PCDHA3: variants seen among roughly 807,000 people sequenced by gnomAD.
The protein encoded by PCDHA3 is protocadherin alpha-3.
A neutral mutation model predicts 62.2 loss-of-function variants in PCDHA3; 41 were observed. The ratio of observed to expected loss-of-function variants is 0.66; its 90% CI spans 0.51 to 0.86. The LOEUF (loss-of-function observed/expected upper bound fraction) is 0.86. Ranked by LOEUF, PCDHA3 falls within the 40% of genes least tolerant of loss-of-function variation. PCDHA3 has a pLI of 0.00. For missense variants in PCDHA3, 1,304 were observed against 1,241.2 expected, an observed-to-expected ratio of 1.05 and a Z score of -0.76; for synonymous variants, 640 against 555.4, an observed-to-expected ratio of 1.15 and a Z score of -2.14.
chr5:140,966,428 C>T (rs1297076694), intron 1 of PCDHA3: 6 of 423,554 alleles, frequency 1.4e-5, no homozygotes, highest in Non-Finnish European at 1.2e-5. Flanking sequence ...TTGCTGAGCC[C>T]TCCTACCGCT....
At position 140,809,150 on chromosome 5, in the gene PCDHA3, G is replaced by A. The variant is rs1554125029; in HGVS notation, c.2394+5559G>A. 4 of 1,613,976 alleles carry A rather than the reference G, an allele frequency of 2.5e-6. No individual in the cohort carries two copies. In the South Asian group the frequency reaches 4.4e-5, roughly 18 times the overall value. On this transcript the variant is annotated intron_variant, in intron 1 of 3. Transcript: ENST00000522353. ...CCTACTGGTACTGGTGAAGGACCAC[G>A]GCGAGCCCGCGCTGACGGCCACGGC... is the stretch of plus-strand genomic sequence containing the variant.
intron 1 of PCDHA3, among the ~76,000 whole-genome samples, chr5:140,937,823 A>T (rs2091776135): frequency 6.6e-6 from 1 of 151,692 alleles, no homozygotes; most frequent in Admixed American, 6.6e-5. Context: ...GAGGCAGGAG[A>T]ATGGCATGAA....
chr5:140,823,215 C>A (rs916835953), intron 1 of PCDHA3: 12 of 1,613,770 alleles, frequency 7.4e-6, no homozygotes, highest in Non-Finnish European at 1.0e-5. Context: ...CTGCACGGGA[C>A]GCGGACGCGC....
intron 1 of PCDHA3, chr5:140,811,575 A>T (rs1418966783): frequency 3.3e-5 from 5 of 152,212 alleles, no homozygotes; most frequent in Admixed American, 1.3e-4. Context: ...GAATCGCCAC[A>T]CTGTCTTCCA....
chr5:140,896,386 C>T (rs575002506), intron 1 of PCDHA3, among the ~76,000 whole-genome samples: 1 of 152,124 alleles, frequency 6.6e-6, no homozygotes, highest in African/African-American at 2.4e-5. Context: ...TGCAACCTCA[C>T]CAGCATCTGT....
intron 1 of PCDHA3, among the ~76,000 whole-genome samples, chr5:140,908,325 T>C (rs189387427): frequency 6.6e-6 from 1 of 152,172 alleles, no homozygotes; most frequent in African/African-American, 2.4e-5. Flanking sequence ...GTGGAGACCA[T>C]GGGAATTTGA....
At chr5:140,857,581 G>C (rs781800563) in intron 1 of PCDHA3, 4 of 1,596,740 alleles carry the variant, frequency 2.5e-6, no homozygotes, top group African/African-American at 1.3e-5. Flanking sequence ...CGGTGCACGC[G>C]GAGAGCGGCA....
chr5:140,814,789 T>C lies in PCDHA3; in HGVS notation c.2394+11198T>C, dbSNP rs2126658661. On this transcript the variant is annotated intron_variant, in intron 1 of 3. Transcript: ENST00000522353. ...TGGTCTGTTATTGGTTGAAACGTTG[T>C]TATACAACACTTGACTTTATTGTAT... The C allele has an allele frequency of 2.8e-4, 43 of 152,320 alleles. 1 individual carries two copies. The highest frequency in any genetic ancestry group is 2.8e-3 in the Admixed American group (43 of 15,304). The allele number at this position is 152,320 out of a possible 1,614,324, so 9.4% of individuals were successfully genotyped here.
At chr5:140,917,335 G>GGGGGGGGGGT in intron 1 of PCDHA3, among the ~76,000 whole-genome samples, 2 of 146,518 alleles carry the variant, frequency 1.4e-5, no homozygotes, top group Non-Finnish European at 3.1e-5. Flanking sequence ...GGGGGAGGGG[G>GGGGGGGGGGT]GGGATGGTGT....
At chr5:140,856,822 A>G (rs1554149161) in intron 1 of PCDHA3, 4 of 1,593,030 alleles carry the variant, frequency 2.5e-6, no homozygotes, top group Non-Finnish European at 1.7e-6. Flanking sequence ...TGAACCAAAC[A>G]TTAGTAATAC....
rs782360183 is a variant in PCDHA3 at position 140,802,697 on chromosome 5, G to C, written c.1500G>C (p.Gly500=). 2.3e-5 allele frequency: 37 copies of C among 1,612,602 alleles called. No individual in the cohort carries two copies. Among genetic ancestry groups the C allele is most frequent in the Middle Eastern group, 1.9e-4 (1 of 5,262 alleles). ...VSYSLVERRV[G]ERALSSYVSV... ...ACTCGCTGGTGGAACGGCGGGTGGG[G>C]GAGCGCGCGCTGTCGAGCTACGTGT... The change falls in exon 1 of 4, where the codon GGG becomes GGC. Residue 500 remains glycine (G), a synonymous_variant. Transcript: ENST00000522353.
chr5:140,857,222 G>A (rs373834853), intron 1 of PCDHA3: 1 of 1,598,456 alleles, frequency 6.3e-7, no homozygotes, highest in Non-Finnish European at 8.6e-7. Flanking sequence ...GACGCCTCAC[G>A]TTCCGTTCAA....
In PCDHA3 at chr5:140,801,272, G is replaced by A; in HGVS notation, c.75G>A (p.Glu25=). 3 of 1,613,682 alleles carry A rather than the reference G, an allele frequency of 1.9e-6. No homozygotes were observed. Among genetic ancestry groups the A allele is most frequent in the Non-Finnish European group, 2.5e-6 (3 of 1,179,902 alleles). The change falls in exon 1 of 4, where the codon GAG becomes GAA. Residue 25 remains glutamate, a synonymous_variant. Coordinates refer to ENST00000522353, the MANE Select transcript of PCDHA3 (RefSeq NM_018906.3). ...LLSLLLLAAS[E]VGSGQLHYSV... is the part of the protein sequence containing the mutation. The stretch of plus-strand genomic sequence containing the variant: ...CTCTTCTGCTCCTCGCAGCCTCGGA[G>A]GTGGGGAGCGGCCAGCTCCACTACT...
intron 1 of PCDHA3, chr5:140,966,581 G>A: frequency 1.9e-6 from 1 of 535,414 alleles, no homozygotes; most frequent in Non-Finnish European, 3.0e-6. Flanking sequence ...AGTCAGCGAG[G>A]ACGGTGGGGC....
chr5:140,869,199 C>T, intron 1 of PCDHA3: 1 of 1,614,024 alleles, frequency 6.2e-7, no homozygotes, highest in Non-Finnish European at 8.5e-7. Context: ...GCCAGCTCCA[C>T]TACTCCGTCT....
intron 1 of PCDHA3, 167 bp from the exon 2 acceptor site, chr5:140,978,782 A>T (rs782295456): frequency 3.1e-5 from 30 of 971,664 alleles, no homozygotes; most frequent in Non-Finnish European, 3.7e-5. Context: ...TTTTCTTCTA[A>T]AGTGCTATAT....
At chr5:140,928,594 GAA>G in intron 1 of PCDHA3, 2 of 1,614,204 alleles carry the variant, frequency 1.2e-6, no homozygotes, top group Non-Finnish European at 1.7e-6. Flanking sequence ...TGTCCCAGTG[GAA>G]ATTGTGCCCC....
At chr5:140,823,797 G>A in intron 1 of PCDHA3, 1 of 1,613,836 alleles carries the variant, frequency 6.2e-7, no homozygotes, top group Non-Finnish European at 8.5e-7. Context: ...GTGGCCAGGC[G>A]CCGAAGGCCT....
At chr5:140,829,585 G>C in intron 1 of PCDHA3, 2 of 1,612,244 alleles carry the variant, frequency 1.2e-6, no homozygotes, top group Non-Finnish European at 8.5e-7. Flanking sequence ...TGGAGCGGCG[G>C]GTGGGCGAGC....
Sources: gnomAD v4.1 joint callset for allele counts (sites outside exome capture counted in the v4.1 genomes callset) on GRCh38, gnomAD v4.1.1 for gene constraint, MANE v1.5 for transcripts, NCBI Gene and HGNC (gene_info 2026-07-23, HGNC 2026-07-21) for gene names.